The following HELZ variants were observed in gnomAD, a reference collection of about 807,000 sequenced individuals.
The protein encoded by HELZ is ATP-dependent RNA helicase with zinc finger domain.
A neutral mutation model predicts 218.2 loss-of-function variants in HELZ; 23 were observed. That is an observed-to-expected ratio of 0.11 (90% CI 0.08 to 0.15). The LOEUF is 0.15. Among genes scored for constraint, HELZ ranks in the 10% least tolerant of loss-of-function variants. HELZ has a pLI of 1.00. For missense variants in HELZ, 1,813 were observed against 2,353.7 expected, an observed-to-expected ratio of 0.77 and a Z score of 4.75; for synonymous variants, 814 against 829.4, an observed-to-expected ratio of 0.98 and a Z score of 0.32.
rs139159727 is a variant in HELZ at position 67,205,672 on chromosome 17, TATG to T, written c.248-2232_248-2230del. Among the ~76,000 whole-genome samples the T allele has an allele frequency of 2.4e-3, 364 of 152,352 alleles. 1 individual carries two copies. Among genetic ancestry groups the T allele is most frequent in the African/African-American group, 8.4e-3 (349 of 41,586 alleles). ...AAAGTCTAAGAGTATTTCAACTTCA[TATG>T]ATGATGTCATACTTAAAGAGTATTA... On this transcript the variant is annotated intron_variant, in intron 5 of 32. Transcript: ENST00000358691.
intron 31 of HELZ, among the ~76,000 whole-genome samples, chr17:67,105,343 T>C (rs926664338): frequency 2.4e-4 from 36 of 152,194 alleles, no homozygotes; most frequent in Non-Finnish European, 7.4e-5. Flanking sequence ...TAAGTTACAG[T>C]GTGGATGCAC....
intron 31 of HELZ, among the ~76,000 whole-genome samples, chr17:67,090,805 T>C (rs916401844): frequency 6.6e-6 from 1 of 152,152 alleles, no homozygotes; most frequent in Admixed American, 6.5e-5. Flanking sequence ...TCAATTTTAC[T>C]AATCTTTCCG....
intron 27 of HELZ, among the ~76,000 whole-genome samples, chr17:67,119,161 TA>T (rs780962561): frequency 2.6e-5 from 4 of 152,136 alleles, no homozygotes; most frequent in Non-Finnish European, 4.4e-5. Context: ...CACTCCCAGG[TA>T]TTTACCCAAG....
intron 27 of HELZ, 61 bp downstream of exon 27, chr17:67,120,344 T>C: frequency 1.3e-5 from 17 of 1,353,784 alleles, no homozygotes; most frequent in East Asian, 2.3e-5. Flanking sequence ...GAACTTTCTA[T>C]GTGGCTAAAA....
At chr17:67,237,039 C>T (rs183840464) in intron 3 of HELZ, among the ~76,000 whole-genome samples, 40 of 152,300 alleles carry the variant, frequency 2.6e-4, no homozygotes, top group African/African-American at 9.6e-4. Flanking sequence ...CAAGCGAACA[C>T]TCAAGAAACA....
rs772825110 is a variant in HELZ at position 67,129,059 on chromosome 17, T to C, written c.3183-204A>G. Among the ~76,000 whole-genome samples, 91 of 152,170 alleles carry C rather than the reference T, an allele frequency of 6.0e-4. 1 individual carries two copies. The highest frequency in any genetic ancestry group is 2.0e-4 in the Admixed American group (3 of 15,282). On this transcript the variant is annotated intron_variant, in intron 23 of 32. Coordinates refer to ENST00000358691, the MANE Select transcript of HELZ (RefSeq NM_014877.4). ...TTGAAACTACAGTCATACCTTGTAT[T>C]ATAGTACATATAAAACAGGCTCTCC...
In HELZ at chr17:67,071,845, A is replaced by AT. The variant is rs2035893651; in HGVS notation, c.*6406dup. ...TAGGCTGTTTTGCAAACACATATAG[A>AT]TTTTTTTAAAGGTAGCAAAGTAATC... On this transcript the variant is annotated 3_prime_UTR_variant, in exon 33 of 33. Coordinates refer to ENST00000358691, the MANE Select transcript of HELZ (RefSeq NM_014877.4). The AT allele has an allele frequency of 6.6e-6, 1 of 152,552 alleles. No homozygotes were observed. Among genetic ancestry groups the AT allele is most frequent in the African/African-American group, 2.4e-5 (1 of 41,398 alleles). The allele number at this position is 152,552 out of a possible 1,614,324, so 9.4% of individuals were successfully genotyped here. A position where few individuals can be genotyped will look rare whatever the true frequency, so the allele number is the denominator to read the frequency against.
chr17:67,227,321 T>C (rs1335537547), intron 3 of HELZ, among the ~76,000 whole-genome samples: 2 of 152,010 alleles, frequency 1.3e-5, no homozygotes, highest in Admixed American at 1.3e-4. Context: ...GCCTCCCCAG[T>C]AGCTGGGACT....
rs146949602 is a variant in HELZ, at chr17:67,173,337, A to G, written c.1430+5322T>C. ...AAAATATATCCTACAATTAAGAAAG[A>G]TATTTCTTAATAAGAAGAAAAACCA... On this transcript the variant is annotated intron_variant, in intron 13 of 32. Transcript: ENST00000358691. Among the ~76,000 whole-genome samples the G allele has an allele frequency of 4.5e-4, 68 of 152,338 alleles. 1 individual carries two copies. In the East Asian group the frequency reaches 0.012, roughly 27 times the overall value.
chr17:67,196,248 C>T (rs1937432707), intron 7 of HELZ, among the ~76,000 whole-genome samples: 1 of 152,202 alleles, frequency 6.6e-6, no homozygotes, highest in African/African-American at 2.4e-5. Flanking sequence ...ATGAGCCCTT[C>T]TCCCACAGAG....
At chr17:67,127,537 C>T (rs990806335) in intron 24 of HELZ, among the ~76,000 whole-genome samples, 2 of 152,154 alleles carry the variant, frequency 1.3e-5, no homozygotes, top group Non-Finnish European at 2.9e-5. Flanking sequence ...CTCTTAATTA[C>T]TGCTTACACA....
rs2037705524 is a variant in HELZ at position 67,124,034 on chromosome 17, T to C, written c.3388-20A>G. On this transcript the variant is annotated intron_variant, in intron 24 of 32. Transcript: ENST00000358691. ...TTTCCCCTTTAAAGAAAAACACAAA[T>C]GTATAATAATTTAAGCATGTTTAGT... 6.7e-7 allele frequency: 1 copy of C among 1,493,580 alleles called. No individual in the cohort carries two copies. Among genetic ancestry groups the C allele is most frequent in the East Asian group, 2.3e-5 (1 of 44,226 alleles). 92.5% of individuals were successfully genotyped at this position (1,493,580 alleles called of 1,614,324 possible).
At chr17:67,084,566 G>A (rs2036298658) in intron 32 of HELZ, among the ~76,000 whole-genome samples, 1 of 151,924 alleles carries the variant, frequency 6.6e-6, no homozygotes, top group African/African-American at 2.4e-5. Context: ...GGGAGGCTGA[G>A]GCAGAAGAAT....
chr17:67,152,413 C>T (rs2038712894), intron 17 of HELZ, among the ~76,000 whole-genome samples: 1 of 151,902 alleles, frequency 6.6e-6, no homozygotes, highest in Admixed American at 6.6e-5. Flanking sequence ...TTGGATTAGG[C>T]CAACAATAGA....
In HELZ at chr17:67,187,549, T is replaced by C. The variant is rs147243924; in HGVS notation, c.1162+770A>G. Among the ~76,000 whole-genome samples, 267 of 152,352 alleles carry C rather than the reference T, an allele frequency of 1.8e-3. 1 individual carries two copies. The highest frequency in any genetic ancestry group is 6.1e-3 in the African/African-American group (252 of 41,590). ...ACGTCCTCCACAATATGGTTAGTTA[T>C]AGTCAATACAAAAGCAAGTTTCACA... On this transcript the variant is annotated intron_variant, in intron 12 of 32. Transcript: ENST00000358691.
At chr17:67,224,085 G>C (rs894221382) in intron 3 of HELZ, among the ~76,000 whole-genome samples, 1 of 152,188 alleles carries the variant, frequency 6.6e-6, no homozygotes. Flanking sequence ...AACTCCACCA[G>C]GGATGTGGGG....
At chr17:67,143,050 C>T (rs376370377) in intron 21 of HELZ, among the ~76,000 whole-genome samples, 3 of 151,988 alleles carry the variant, frequency 2.0e-5, no homozygotes, top group Non-Finnish European at 2.9e-5. Flanking sequence ...CATGAGTCAC[C>T]GCACCCGGCC....
chr17:67,131,176 C>A (rs2037971077), intron 23 of HELZ, among the ~76,000 whole-genome samples: 1 of 152,238 alleles, frequency 6.6e-6, no homozygotes, highest in South Asian at 2.1e-4. Flanking sequence ...GCATGAGCTA[C>A]TGTACGCAGC....
rs766329662 is a variant in HELZ at position 67,203,458 on chromosome 17, C to T, written c.248-15G>A. ...TTCTCCCAGCACTGCCATGAAAGAA[C>T]AGCCATCATTAACCATATGACATTT... On this transcript the variant is annotated splice_polypyrimidine_tract_variant and intron_variant, in intron 5 of 32. Coordinates refer to ENST00000358691, the MANE Select transcript of HELZ (RefSeq NM_014877.4). 2.5e-6 allele frequency: 4 copies of T among 1,612,858 alleles called. No homozygotes were observed. The highest frequency in any genetic ancestry group is 2.2e-5 in the South Asian group (2 of 90,832).
Sources: allele counts gnomAD v4.1 joint callset (sites outside exome capture counted in the v4.1 genomes callset), GRCh38; gene constraint gnomAD v4.1.1; transcripts MANE v1.5; gene names NCBI Gene and HGNC (gene_info 2026-07-23, HGNC 2026-07-21).